The following CASK variants were observed in gnomAD, a reference collection of about 807,000 sequenced individuals.
The protein encoded by CASK is calcium/calmodulin dependent serine protein kinase, also known as peripheral plasma membrane protein CASK.
In CASK, 4 loss-of-function variants were observed where a neutral mutation model predicts 82.9. The observed-to-expected ratio is 0.05, with a 90% CI of 0.02 to 0.11. CASK has a LOEUF of 0.11. CASK is among the 10% of genes least tolerant of loss of function. The probability of loss-of-function intolerance (pLI) is 1.00; values close to 1 mark genes in which losing one functional copy is unlikely to be tolerated. For synonymous variants in CASK, 259 were observed against 253.5 expected, an observed-to-expected ratio of 1.02 and a Z score of -0.20; for missense variants, 358 against 720.9, an observed-to-expected ratio of 0.50 and a Z score of 5.76.
At chrX:41,745,487 C>A in intron 4 of CASK, 37 bp downstream of exon 4, 1 of 935,382 alleles carries the variant, frequency 1.1e-6, no homozygotes, top group Non-Finnish European at 1.5e-6. Context: ...TTTTTATTTT[C>A]AACTTGACCT....
intron 5 of CASK, among the ~76,000 whole-genome samples, chrX:41,719,747 T>C (rs1419321353): frequency 8.9e-6 from 1 of 111,747 alleles, no homozygotes; most frequent in Admixed American, 9.5e-5. Context: ...GCTAGCAACT[T>C]AGAACTTCTT....
chrX:41,818,373 T>C (rs1326759096), intron 2 of CASK, among the ~76,000 whole-genome samples: 1 of 109,699 alleles, frequency 9.1e-6, no homozygotes, highest in Non-Finnish European at 1.9e-5. Flanking sequence ...GAGGCTGAGG[T>C]GGGTGGATTG....
chrX:41,857,193 G>A (rs2071388476), intron 1 of CASK, among the ~76,000 whole-genome samples: 1 of 110,808 alleles, frequency 9.0e-6, no homozygotes, highest in Non-Finnish European at 1.9e-5. Context: ...TTTTGAGCTA[G>A]ATAATTTTTT....
intron 5 of CASK, chrX:41,696,653 A>G (rs1321763832): frequency 8.3e-7 from 1 of 1,210,398 alleles, no homozygotes; most frequent in South Asian, 1.8e-5. Flanking sequence ...TAATGTGCCA[A>G]CTTCTTTTTA....
chrX:41,869,829 A>AAAAAAAAAG (rs2071669986), intron 1 of CASK, among the ~76,000 whole-genome samples: 1 of 102,894 alleles, frequency 9.7e-6, no homozygotes, highest in African/African-American at 3.5e-5. Flanking sequence ...AAAAAAAAAA[A>AAAAAAAAAG]AAAAAAAGCC....
At chrX:41,559,674 C>T in intron 18 of CASK, 105 bp downstream of exon 18, 1 of 677,300 alleles carries the variant, frequency 1.5e-6, no homozygotes, top group African/African-American at 2.1e-5. Flanking sequence ...AGTGATCTAA[C>T]AGCACAGGCA....
At chrX:41,878,737 T>G (rs1486031012) in intron 1 of CASK, among the ~76,000 whole-genome samples, 4 of 110,567 alleles carry the variant, frequency 3.6e-5, no homozygotes, top group African/African-American at 1.3e-4. Context: ...CAATGGACTT[T>G]GGGGACTGGT....
At chrX:41,768,380 G>A (rs1285918415) in intron 3 of CASK, among the ~76,000 whole-genome samples, 1 of 111,541 alleles carries the variant, frequency 9.0e-6, no homozygotes, top group African/African-American at 3.3e-5. Context: ...GAATGTATGT[G>A]TACTAACTCA....
chrX:41,848,832 A>G (rs2071208106), intron 2 of CASK, among the ~76,000 whole-genome samples: 1 of 111,797 alleles, frequency 8.9e-6, no homozygotes, highest in Non-Finnish European at 1.9e-5. Flanking sequence ...GAACTGGAAG[A>G]AAGGGGGATG....
chrX:41,675,742 A>G, intron 5 of CASK: 1 of 1,196,976 alleles, frequency 8.4e-7, no homozygotes, highest in South Asian at 1.8e-5. Flanking sequence ...AGGCACACAA[A>G]AGTTGGAAGG....
At chrX:41,741,559 A>G (rs1213920075) in intron 4 of CASK, among the ~76,000 whole-genome samples, 1 of 112,082 alleles carries the variant, frequency 8.9e-6, no homozygotes, top group East Asian at 2.8e-4. Context: ...CTCATAACAC[A>G]AAACCAAACT....
At chrX:41,661,198 C>T (rs755397235) in intron 7 of CASK, among the ~76,000 whole-genome samples, 1 of 111,461 alleles carries the variant, frequency 9.0e-6, no homozygotes, top group African/African-American at 3.3e-5. Context: ...AGACACAGGA[C>T]TTATGAGAAA....
chrX:41,772,980 G>A (rs1363990465), intron 3 of CASK, among the ~76,000 whole-genome samples: 4 of 111,684 alleles, frequency 3.6e-5, no homozygotes, highest in Non-Finnish European at 5.7e-5. Context: ...CAGCCTGGGC[G>A]ACAGGAGCAA....
intron 5 of CASK, among the ~76,000 whole-genome samples, chrX:41,716,015 C>T (rs764994637): frequency 2.6e-4 from 29 of 111,600 alleles, no homozygotes; most frequent in African/African-American, 9.1e-4. Flanking sequence ...GATGAGAATA[C>T]CATAAAAAAG....
chrX:41,583,577 C>T (rs987210069), intron 14 of CASK, among the ~76,000 whole-genome samples: 1 of 109,325 alleles, frequency 9.1e-6, no homozygotes, highest in Non-Finnish European at 1.9e-5. Flanking sequence ...GCTGGGACTA[C>T]AGGTGTGTGC....
chrX:41,589,829 T>G (rs192534376), intron 12 of CASK: 1 of 364,359 alleles, frequency 2.7e-6, no homozygotes, highest in East Asian at 4.9e-5. Context: ...ATTCTGTCAA[T>G]GTGGCAATTT....
intron 3 of CASK, among the ~76,000 whole-genome samples, chrX:41,776,554 G>A (rs1002238448): frequency 1.8e-5 from 2 of 112,351 alleles, no homozygotes; most frequent in Non-Finnish European, 3.8e-5. Context: ...ATATGATTAT[G>A]TATGGAGAAA....
At chrX:41,672,669 A>G (rs2067212033) in intron 5 of CASK, among the ~76,000 whole-genome samples, 1 of 111,888 alleles carries the variant, frequency 8.9e-6, no homozygotes, top group African/African-American at 3.3e-5. Context: ...GCCCAATGGG[A>G]GCATCAGGAT....
chrX:41,609,414 C>T (rs996226520), intron 12 of CASK, among the ~76,000 whole-genome samples: 2 of 112,214 alleles, frequency 1.8e-5, no homozygotes, highest in African/African-American at 6.5e-5. Flanking sequence ...GGTGCCCGGC[C>T]ATATACTGTA....
Sources: gnomAD v4.1 joint callset for allele counts (sites outside exome capture counted in the v4.1 genomes callset) on GRCh38, gnomAD v4.1.1 for gene constraint, MANE v1.5 for transcripts, NCBI Gene and HGNC (gene_info 2026-07-23, HGNC 2026-07-21) for gene names.